Variants in ROR1 observed in about 807,000 individuals in gnomAD.
ROR1 encodes inactive tyrosine-protein kinase transmembrane receptor ROR1.
ROR1 carries 19 observed loss-of-function variants against 78.8 expected under a neutral mutation model. The observed-to-expected ratio is 0.24, with a 90% confidence interval of 0.17 to 0.35. ROR1 has a LOEUF of 0.35. Among genes scored for constraint, ROR1 ranks in the 10% least tolerant of loss-of-function variants. ROR1 has a pLI of 1.00. For missense variants in ROR1, 917 were observed against 1,177.8 expected, an observed-to-expected ratio of 0.78 and a Z score of 3.24; for synonymous variants, 386 against 433.6, an observed-to-expected ratio of 0.89 and a Z score of 1.36.
At chr1:63,792,690 A>G (rs1218024037) in intron 1 of ROR1, among the ~76,000 whole-genome samples, 2 of 152,268 alleles carry the variant, frequency 1.3e-5, no homozygotes, top group Non-Finnish European at 2.9e-5. Flanking sequence ...CCATGAGAAT[A>G]TCACTTTATT....
At position 64,091,191 on chromosome 1, in the gene ROR1, T is replaced by A. The variant is rs542257068; in HGVS notation, c.482+40475T>A. 1.2e-3 allele frequency among the ~76,000 whole-genome samples: 182 copies of A among 152,158 alleles called. 1 individual carries two copies. The highest frequency in any genetic ancestry group is 2.0e-3 in the Non-Finnish European group (137 of 67,994). ...CCACAAATGCTTTTTTTAAAAAAAA[T>A]ATTAAGGATGAGCTGGTGGTGTTTC... On this transcript the variant is annotated intron_variant, in intron 4 of 8. Coordinates refer to ENST00000371079, the MANE Select transcript of ROR1 (RefSeq NM_005012.4).
intron 4 of ROR1, among the ~76,000 whole-genome samples, chr1:64,089,879 C>G (rs6680149): frequency 0.47 from 71,914 of 151,864 alleles, 18,411 homozygotes; most frequent in African/African-American, 0.66. Context: ...ATTGAATCGT[C>G]GGGGCAGTTT....
At chr1:63,979,968 GAAT>G (rs1481983317) in intron 1 of ROR1, among the ~76,000 whole-genome samples, 1 of 152,058 alleles carries the variant, frequency 6.6e-6, no homozygotes, top group Non-Finnish European at 1.5e-5. Flanking sequence ...AAACACTGTG[GAAT>G]AGCTGCATGT....
chr1:64,102,984 A>T (rs531903205), intron 4 of ROR1, among the ~76,000 whole-genome samples: 11 of 152,290 alleles, frequency 7.2e-5, no homozygotes, highest in African/African-American at 2.2e-4. Flanking sequence ...ATTGGTCCAG[A>T]TGAGGAAGTC....
chr1:63,992,485 C>T (rs981617078), intron 1 of ROR1, among the ~76,000 whole-genome samples: 3 of 152,122 alleles, frequency 2.0e-5, no homozygotes, highest in Non-Finnish European at 4.4e-5. Flanking sequence ...GGATTACAGG[C>T]GTGAGCCACC....
At chr1:63,857,792 G>C (rs1020393657) in intron 1 of ROR1, among the ~76,000 whole-genome samples, 3 of 152,182 alleles carry the variant, frequency 2.0e-5, no homozygotes, top group African/African-American at 7.2e-5. Context: ...AGACTGTCTT[G>C]CTCCATTTCC....
chr1:64,036,288 AGCAAGATTCT>A (rs1049458327), intron 2 of ROR1, among the ~76,000 whole-genome samples: 1 of 152,162 alleles, frequency 6.6e-6, no homozygotes, highest in African/African-American at 2.4e-5. Context: ...ATATAAACTG[AGCAAGATTCT>A]GCTACATGAC....
intron 4 of ROR1, among the ~76,000 whole-genome samples, chr1:64,073,793 T>A (rs938571362): frequency 7.2e-5 from 11 of 152,160 alleles, no homozygotes; most frequent in Admixed American, 2.0e-4. Flanking sequence ...TACACTGGGT[T>A]TCCCCCCTGT....
chr1:63,795,411 T>G (rs959665093), intron 1 of ROR1, among the ~76,000 whole-genome samples: 2 of 152,216 alleles, frequency 1.3e-5, no homozygotes, highest in African/African-American at 4.8e-5. Context: ...TTTTCTTCCC[T>G]TGGAGGGTAT....
At chr1:63,787,675 T>C (rs1213190584) in intron 1 of ROR1, among the ~76,000 whole-genome samples, 2 of 152,148 alleles carry the variant, frequency 1.3e-5, no homozygotes, top group Non-Finnish European at 2.9e-5. Flanking sequence ...TACAGGCACC[T>C]GCCACCATGC....
chr1:64,159,049 C>A lies in ROR1; in HGVS notation c.1243C>A (p.Pro415Thr). The A allele has an allele frequency of 6.2e-7, 1 of 1,613,782 alleles. No homozygotes were observed. The highest frequency in any genetic ancestry group is 8.5e-7 in the Non-Finnish European group (1 of 1,179,668). ...LYILVPSVAI[P>T]LAIALLFFFI... is the part of the protein sequence containing the mutation. ...CATACTAGTGCCAAGTGTGGCCATT[C>A]CCCTGGCCATTGCTTTACTCTTCTT... The change falls in exon 8 of 9, where the codon CCC (proline) becomes ACC (threonine). Residue 415 changes from proline (P) to threonine (T), a missense_variant. Coordinates refer to ENST00000371079, the MANE Select transcript of ROR1 (RefSeq NM_005012.4).
At chr1:63,781,299 G>A (rs1056964585) in intron 1 of ROR1, among the ~76,000 whole-genome samples, 1 of 152,130 alleles carries the variant, frequency 6.6e-6, no homozygotes, top group African/African-American at 2.4e-5. Context: ...TTTTTTTAAA[G>A]CTATTAAATT....
intron 1 of ROR1, among the ~76,000 whole-genome samples, chr1:63,955,108 T>A (rs1645970563): frequency 6.6e-6 from 1 of 152,130 alleles, no homozygotes; most frequent in South Asian, 2.1e-4. Context: ...GCATAGACAA[T>A]TAGAGGCAGT....
At chr1:64,156,897 A>C (rs915920065) in intron 7 of ROR1, among the ~76,000 whole-genome samples, 1 of 152,126 alleles carries the variant, frequency 6.6e-6, no homozygotes, top group Non-Finnish European at 1.5e-5. Flanking sequence ...AATGGTGGGC[A>C]AAAAGCAAGA....
chr1:63,914,050 T>G (rs1645591102), intron 1 of ROR1, among the ~76,000 whole-genome samples: 1 of 149,958 alleles, frequency 6.7e-6, no homozygotes, highest in Admixed American at 6.8e-5. Flanking sequence ...ATAAAAGAGA[T>G]GGCTAAGTTT....
intron 1 of ROR1, among the ~76,000 whole-genome samples, chr1:63,819,574 A>G (rs188456239): frequency 5.3e-4 from 81 of 152,330 alleles, no homozygotes; most frequent in African/African-American, 1.8e-3. Context: ...TCAGGAGCCC[A>G]TGAAGAGGAT....
intron 1 of ROR1, among the ~76,000 whole-genome samples, chr1:63,920,493 GTGTC>G (rs1416711553): frequency 1.3e-5 from 2 of 152,320 alleles, no homozygotes; most frequent in South Asian, 2.1e-4. Context: ...TGAAACAGAA[GTGTC>G]TGTCTGACCG....
At chr1:63,801,326 G>T (rs1336064873) in intron 1 of ROR1, among the ~76,000 whole-genome samples, 2 of 151,834 alleles carry the variant, frequency 1.3e-5, no homozygotes, top group Non-Finnish European at 2.9e-5. Context: ...ACAGAGTCTC[G>T]CTCTGTCACC....
At chr1:64,160,060 T>C (rs1313505374) in intron 8 of ROR1, among the ~76,000 whole-genome samples, 1 of 152,156 alleles carries the variant, frequency 6.6e-6, no homozygotes, top group Non-Finnish European at 1.5e-5. Flanking sequence ...AACAGCCTGT[T>C]TTTTTTTCTA....
Sources: gnomAD v4.1 joint callset for allele counts (sites outside exome capture counted in the v4.1 genomes callset) on GRCh38, gnomAD v4.1.1 for gene constraint, MANE v1.5 for transcripts, NCBI Gene and HGNC (gene_info 2026-07-23, HGNC 2026-07-21) for gene names.